The following RNF150 variants were observed in gnomAD, a reference collection of about 807,000 sequenced individuals.
The protein encoded by RNF150 is ring finger protein 150.
A neutral mutation model predicts 39.3 loss-of-function variants in RNF150; 24 were observed. That is an observed-to-expected ratio of 0.61 (90% CI 0.44 to 0.86). RNF150 has a LOEUF of 0.86. Among genes scored for constraint, RNF150 ranks in the 40% least tolerant of loss-of-function variants. RNF150 has a pLI of 0.00. For synonymous variants in RNF150, 255 were observed against 227.3 expected, an observed-to-expected ratio of 1.12 and a Z score of -1.10; for missense variants, 502 against 587.8, an observed-to-expected ratio of 0.85 and a Z score of 1.51.
At chr4:141,188,982 A>AT (rs1728060353) in intron 1 of RNF150, among the ~76,000 whole-genome samples, 1 of 152,150 alleles carries the variant, frequency 6.6e-6, no homozygotes, top group Non-Finnish European at 1.5e-5. Flanking sequence ...AATTTTCAGC[A>AT]TTTTTTGTGC....
At chr4:141,137,557 G>C (rs1727047301), upstream of RNF150, among the ~76,000 whole-genome samples, 1 of 152,190 alleles carries the variant, frequency 6.6e-6, no homozygotes, top group African/African-American at 2.4e-5. Flanking sequence ...GTCATTTTCT[G>C]AGATGAAGAT....
intron 1 of RNF150, among the ~76,000 whole-genome samples, chr4:141,029,790 AT>A (rs1466528477): frequency 1.1e-4 from 17 of 152,258 alleles, no homozygotes; most frequent in African/African-American, 3.9e-4. Context: ...AGGGATTACT[AT>A]CCAGAATATA....
chr4:141,105,676 T>C (rs1347137744), intron 1 of RNF150, among the ~76,000 whole-genome samples: 3 of 152,192 alleles, frequency 2.0e-5, no homozygotes, highest in African/African-American at 4.8e-5. Context: ...TTTCCTTCCA[T>C]ACATCCTCTC....
chr4:140,871,773 ATTC>A lies in RNF150; in HGVS notation c.1199-3397_1199-3395del, dbSNP rs1728955920. ...CCACCAGCCTCAGCAGATTCCATAG[ATTC>A]ATTCACACCTTGGTTTTTTCTAAAT... On this transcript the variant is annotated intron_variant, in intron 6 of 6. Coordinates refer to ENST00000515673, the MANE Select transcript of RNF150 (RefSeq NM_020724.2). 2.0e-5 allele frequency among the ~76,000 whole-genome samples: 3 copies of A among 152,342 alleles called. No individual in the cohort carries two copies. The South Asian group carries it at 6.2e-4, about 32-fold the overall frequency.
intron 1 of RNF150, among the ~76,000 whole-genome samples, chr4:141,147,151 C>G (rs949863385): frequency 2.0e-5 from 3 of 152,298 alleles, no homozygotes; most frequent in African/African-American, 7.2e-5. Context: ...GACAGGATCT[C>G]ACTATGTTGC....
At chr4:141,068,137 G>A (rs1052687140) in intron 1 of RNF150, among the ~76,000 whole-genome samples, 3 of 151,952 alleles carry the variant, frequency 2.0e-5, no homozygotes, top group Admixed American at 6.6e-5. Flanking sequence ...GTAGAGATGG[G>A]GTTCACCATG....
At chr4:141,077,698 A>C (rs1415959478) in intron 1 of RNF150, among the ~76,000 whole-genome samples, 1 of 152,158 alleles carries the variant, frequency 6.6e-6, no homozygotes, top group East Asian at 1.9e-4. Flanking sequence ...TCTTTTCCTT[A>C]TGTTTCCTCT....
At chr4:141,122,075 G>A (rs4956516) in intron 1 of RNF150, among the ~76,000 whole-genome samples, 108,962 of 151,960 alleles carry the variant, frequency 0.72, 40,053 homozygotes, top group East Asian at 0.88. Flanking sequence ...CCCTCCAGGC[G>A]CCTCCTGCTC....
chr4:141,125,442 CA>C (rs1472264976), intron 1 of RNF150, among the ~76,000 whole-genome samples: 1 of 152,138 alleles, frequency 6.6e-6, no homozygotes, highest in East Asian at 1.9e-4. Context: ...ATTACATTAT[CA>C]AATACACAAC....
At chr4:141,195,992 G>A (rs1205809412) in intron 1 of RNF150, among the ~76,000 whole-genome samples, 1 of 152,166 alleles carries the variant, frequency 6.6e-6, no homozygotes, top group Admixed American at 6.5e-5. Context: ...AATCTATGTG[G>A]ACAGTAAACC....
chr4:141,137,800 C>A (rs1307723419), upstream of RNF150, among the ~76,000 whole-genome samples: 4 of 152,110 alleles, frequency 2.6e-5, no homozygotes, highest in Non-Finnish European at 5.9e-5. Flanking sequence ...GTAAAGTGAG[C>A]TCCCTAAAAT....
chr4:141,104,790 A>G (rs895703213), intron 1 of RNF150, among the ~76,000 whole-genome samples: 5 of 152,234 alleles, frequency 3.3e-5, no homozygotes, highest in Non-Finnish European at 7.3e-5. Context: ...AAAGTACACC[A>G]GTTTATACAT....
intron 1 of RNF150, among the ~76,000 whole-genome samples, chr4:141,129,124 T>C (rs1726830258): frequency 6.6e-6 from 1 of 152,164 alleles, no homozygotes; most frequent in Non-Finnish European, 1.5e-5. Context: ...CCTAGGTATA[T>C]AATCAAGAGA....
chr4:141,138,641 G>A (rs551028585), intron 1 of RNF150, among the ~76,000 whole-genome samples: 18 of 152,308 alleles, frequency 1.2e-4, no homozygotes, highest in Non-Finnish European at 1.8e-4. Context: ...GTACAGTGCT[G>A]TAGTGGTGGA....
At chr4:140,923,846 T>A in intron 5 of RNF150, among the ~76,000 whole-genome samples, 1 of 152,028 alleles carries the variant, frequency 6.6e-6, no homozygotes, top group Non-Finnish European at 1.5e-5. Flanking sequence ...CTAGAAACCA[T>A]CATTCTCAGC....
chr4:141,058,468 A>G (rs1326035220), intron 1 of RNF150, among the ~76,000 whole-genome samples: 2 of 152,114 alleles, frequency 1.3e-5, no homozygotes, highest in East Asian at 3.8e-4. Context: ...ATATTCTGTG[A>G]ACATATTTTG....
At chr4:141,145,391 T>C (rs1727182306) in intron 1 of RNF150, among the ~76,000 whole-genome samples, 1 of 152,216 alleles carries the variant, frequency 6.6e-6, no homozygotes, top group African/African-American at 2.4e-5. Flanking sequence ...GAAGGCTAGC[T>C]TAATATGATG....
chr4:141,007,338 C>A (rs73860239), intron 1 of RNF150, among the ~76,000 whole-genome samples: 11,536 of 152,260 alleles, frequency 0.076, 491 homozygotes, highest in Middle Eastern at 0.16. Flanking sequence ...CCAGGCAAGG[C>A]TATGGGAACC....
At chr4:141,073,295 C>T (rs906243760) in intron 1 of RNF150, among the ~76,000 whole-genome samples, 4 of 152,122 alleles carry the variant, frequency 2.6e-5, no homozygotes, top group African/African-American at 9.7e-5. Context: ...AAGGGGTAAG[C>T]CACAGATACC....
Sources: allele counts gnomAD v4.1 joint callset (sites outside exome capture counted in the v4.1 genomes callset), GRCh38; gene constraint gnomAD v4.1.1; transcripts MANE v1.5; gene names NCBI Gene and HGNC (gene_info 2026-07-23, HGNC 2026-07-21).